The following FOXN3 variants were observed in gnomAD, a reference collection of about 807,000 sequenced individuals.
The protein encoded by FOXN3 is forkhead box N3.
FOXN3 carries 7 observed loss-of-function variants against 38.4 expected under a neutral mutation model. The ratio of observed to expected loss-of-function variants is 0.18; its 90% CI spans 0.10 to 0.34. The LOEUF is 0.34. Among genes scored for constraint, FOXN3 ranks in the 10% least tolerant of loss-of-function variants. The probability of loss-of-function intolerance (pLI) is 1.00; values close to 1 mark genes in which losing one functional copy is unlikely to be tolerated. For missense variants in FOXN3, 456 were observed against 613.4 expected, an observed-to-expected ratio of 0.74 and a Z score of 2.71; for synonymous variants, 230 against 242.2, an observed-to-expected ratio of 0.95 and a Z score of 0.47.
chr14:89,455,178 T>A (rs997720605), intron 1 of FOXN3, among the ~76,000 whole-genome samples: 3 of 152,122 alleles, frequency 2.0e-5, no homozygotes, highest in African/African-American at 7.2e-5. Flanking sequence ...ATGTTCCTTA[T>A]AGAAGGCCCT....
intron 2 of FOXN3, among the ~76,000 whole-genome samples, chr14:89,364,929 G>A (rs1890093065): frequency 6.6e-6 from 1 of 152,208 alleles, no homozygotes; most frequent in African/African-American, 2.4e-5. Flanking sequence ...ATGTGTGTGT[G>A]CTTATGCGTG....
At chr14:89,338,318 A>G (rs1252879338) in intron 3 of FOXN3, among the ~76,000 whole-genome samples, 2 of 152,250 alleles carry the variant, frequency 1.3e-5, no homozygotes, top group East Asian at 3.8e-4. Context: ...TATGCTATGC[A>G]TTCTAAGAGA....
chr14:89,394,339 G>A (rs1000887172), intron 2 of FOXN3, among the ~76,000 whole-genome samples: 1 of 150,814 alleles, frequency 6.6e-6, no homozygotes, highest in Non-Finnish European at 1.5e-5. Flanking sequence ...TGGTAGCTGC[G>A]ATTACAGGTG....
At chr14:89,294,442 A>G (rs1431542170) in intron 3 of FOXN3, among the ~76,000 whole-genome samples, 1 of 152,122 alleles carries the variant, frequency 6.6e-6, no homozygotes, top group Non-Finnish European at 1.5e-5. Context: ...CAGAAGTGTG[A>G]ATGTGCCAGA....
At chr14:89,232,560 G>A (rs1222702264) in intron 4 of FOXN3, among the ~76,000 whole-genome samples, 2 of 152,188 alleles carry the variant, frequency 1.3e-5, no homozygotes, top group Admixed American at 6.5e-5. Context: ...AAGAGCACAC[G>A]TTTTCAGAGG....
At chr14:89,531,037 TAC>T (rs947590250) in intron 1 of FOXN3, among the ~76,000 whole-genome samples, 23 of 147,870 alleles carry the variant, frequency 1.6e-4, no homozygotes, top group Non-Finnish European at 3.3e-4. Context: ...ATATAATATA[TAC>T]ACATTTATTA....
intron 1 of FOXN3, among the ~76,000 whole-genome samples, chr14:89,559,024 A>T: frequency 6.6e-6 from 1 of 152,146 alleles, no homozygotes; most frequent in Admixed American, 6.5e-5. Flanking sequence ...AAACAAAGTC[A>T]TAGGAATGTT....
chr14:89,188,234 C>T (rs1214203840), intron 4 of FOXN3, among the ~76,000 whole-genome samples: 4 of 152,180 alleles, frequency 2.6e-5, no homozygotes, highest in Non-Finnish European at 5.9e-5. Flanking sequence ...CGTGGCTACC[C>T]TGGAAAAAGA....
chr14:89,288,670 T>TTCTCTCTCTC (rs1202531466), intron 3 of FOXN3, among the ~76,000 whole-genome samples: 2 of 54,164 alleles, frequency 3.7e-5, no homozygotes, highest in South Asian at 1.1e-3. Flanking sequence ...GGCACTCTCT[T>TTCTCTCTCTC]TCTCTCTCTC....
At chr14:89,591,186 A>G (rs1465772582) in intron 1 of FOXN3, among the ~76,000 whole-genome samples, 3 of 152,216 alleles carry the variant, frequency 2.0e-5, no homozygotes, top group African/African-American at 7.2e-5. Context: ...TCCAGCCTAC[A>G]GAATCCACAC....
intron 2 of FOXN3, among the ~76,000 whole-genome samples, chr14:89,372,469 G>C (rs1316566495): frequency 3.5e-4 from 54 of 152,158 alleles, no homozygotes; most frequent in Admixed American, 3.5e-3. Flanking sequence ...CTTCCAATTT[G>C]ACAACAGCTG....
intron 1 of FOXN3, among the ~76,000 whole-genome samples, chr14:89,519,302 T>C (rs911890354): frequency 2.6e-5 from 4 of 152,138 alleles, no homozygotes; most frequent in African/African-American, 9.7e-5. Flanking sequence ...AGAAAATTCT[T>C]GGAGGAGGGC....
intron 5 of FOXN3, among the ~76,000 whole-genome samples, chr14:89,177,531 T>C (rs1323119640): frequency 6.6e-6 from 1 of 151,376 alleles, no homozygotes; most frequent in African/African-American, 2.4e-5. Context: ...TCTACTCTGT[T>C]TCCCAAACTG....
At position 89,532,093 on chromosome 14, in the gene FOXN3, G is replaced by A. The variant is rs150564873; in HGVS notation, c.-15+86935C>T. Among the ~76,000 whole-genome samples, 1,315 of 152,294 alleles carry A rather than the reference G, an allele frequency of 8.6e-3. 16 individuals carry two copies. Among genetic ancestry groups the A allele is most frequent in the African/African-American group, 0.03 (1,264 of 41,562 alleles). On this transcript the variant is annotated intron_variant, in intron 1 of 6. Coordinates refer to the FOXN3 transcript ENST00000345097. ...CCAGACCTCCTGAATCAGAAAGTCC[G>A]GTGGTAGAGCCCAGATGGCTGTTAA...
upstream of FOXN3, among the ~76,000 whole-genome samples, chr14:89,421,279 A>G (rs1023904486): frequency 1.3e-4 from 19 of 150,994 alleles, no homozygotes; most frequent in Admixed American, 1.1e-3. Context: ...CCTCCCGAGT[A>G]GCTGGGATTA....
intron 1 of FOXN3, among the ~76,000 whole-genome samples, chr14:89,546,219 A>G (rs243172): frequency 0.4 from 60,667 of 151,920 alleles, 14,697 homozygotes; most frequent in African/African-American, 0.67. Context: ...CTTCCTGTAA[A>G]TAGCCTAGTA....
chr14:89,423,242 G>A (rs2401823), intron 1 of FOXN3, among the ~76,000 whole-genome samples: 100,251 of 152,112 alleles, frequency 0.66, 33,645 homozygotes, highest in Non-Finnish European at 0.71. Context: ...GACTAGGTTC[G>A]TACTCTGATC....
intron 1 of FOXN3, among the ~76,000 whole-genome samples, chr14:89,505,305 C>T (rs1010055895): frequency 1.3e-5 from 2 of 148,424 alleles, no homozygotes; most frequent in Middle Eastern, 3.2e-3. Flanking sequence ...CCTCTCCCCA[C>T]GGTCTCCCTC....
intron 1 of FOXN3, among the ~76,000 whole-genome samples, chr14:89,413,356 G>A (rs1566646481): frequency 1.3e-5 from 2 of 151,980 alleles, no homozygotes; most frequent in Admixed American, 6.6e-5. Context: ...TGAACAGGCT[G>A]GGCATGGTGG....
Sources: gnomAD v4.1 joint callset for allele counts (sites outside exome capture counted in the v4.1 genomes callset) on GRCh38, gnomAD v4.1.1 for gene constraint, MANE v1.5 for transcripts, NCBI Gene and HGNC (gene_info 2026-07-23, HGNC 2026-07-21) for gene names.